IMMP1L: variants seen among roughly 807,000 people sequenced by gnomAD.
The protein encoded by IMMP1L is mitochondrial inner membrane protease subunit 1.
IMMP1L carries 24 observed loss-of-function variants against 21.8 expected under a neutral mutation model. The observed-to-expected ratio is 1.10, with a 90% confidence interval of 0.80 to 1.55. IMMP1L has a LOEUF of 1.55. Among genes scored for constraint, IMMP1L ranks in the 40% most tolerant of loss-of-function variants. IMMP1L has a pLI of 0.00. For missense variants in IMMP1L, 195 were observed against 200.7 expected (o/e 0.97, Z 0.17); for synonymous variants, 46 against 62.8 (o/e 0.73, Z 1.26).
At chr11:31,465,089 T>C (rs1184920548) in intron 1 of IMMP1L, among the ~76,000 whole-genome samples, 1 of 152,148 alleles carries the variant, frequency 6.6e-6, no homozygotes, top group Admixed American at 6.5e-5. Flanking sequence ...GAATTCAATA[T>C]AGTTGCAGGA....
In IMMP1L at chr11:31,471,888, T is replaced by C. The variant is rs139278645; in HGVS notation, c.-29-8583A>G. On this transcript the variant is annotated intron_variant, in intron 1 of 5. Transcript: ENST00000532287. ...AAGTCTAACATGGGTACCACTGGGC[T>C]AAAAAATCAAGACTGTTTCTTTCTA... 3.2e-3 allele frequency among the ~76,000 whole-genome samples: 495 copies of C among 152,308 alleles called. 2 individuals are homozygous for C. Among genetic ancestry groups the C allele is most frequent in the African/African-American group, 0.011 (450 of 41,572 alleles).
At chr11:31,491,290 G>A (rs1242553109) in intron 1 of IMMP1L, among the ~76,000 whole-genome samples, 1 of 152,126 alleles carries the variant, frequency 6.6e-6, no homozygotes, top group African/African-American at 2.4e-5. Context: ...AAGAGAAGAG[G>A]TAAAGAAAGC....
chr11:31,500,831 A>G (rs896073790), intron 1 of IMMP1L, among the ~76,000 whole-genome samples: 28 of 152,308 alleles, frequency 1.8e-4, no homozygotes, highest in African/African-American at 6.7e-4. Flanking sequence ...GTTATCTGTG[A>G]CTGCTTTTGT....
chr11:31,500,606 CACACAA>C (rs1424429237), intron 1 of IMMP1L, among the ~76,000 whole-genome samples: 69 of 148,978 alleles, frequency 4.6e-4, no homozygotes, highest in African/African-American at 1.7e-3. Context: ...CACACACACA[CACACAA>C]ACACACACAC....
At chr11:31,445,575 C>A (rs892800996) in intron 4 of IMMP1L, among the ~76,000 whole-genome samples, 3 of 152,114 alleles carry the variant, frequency 2.0e-5, no homozygotes, top group Non-Finnish European at 4.4e-5. Context: ...TTTTTAAAAA[C>A]AGGCATTGTT....
intron 3 of IMMP1L, among the ~76,000 whole-genome samples, chr11:31,459,518 C>G (rs1321530347): frequency 6.6e-6 from 1 of 152,088 alleles, no homozygotes; most frequent in Non-Finnish European, 1.5e-5. Flanking sequence ...ACTTGACATT[C>G]ATTTGGAATA....
chr11:31,490,581 G>T (rs972556867), intron 1 of IMMP1L, among the ~76,000 whole-genome samples: 8 of 151,868 alleles, frequency 5.3e-5, no homozygotes, highest in Admixed American at 1.3e-4. Flanking sequence ...AAACATTAAA[G>T]GTATTAGTAC....
intron 4 of IMMP1L, among the ~76,000 whole-genome samples, chr11:31,443,535 C>A (rs1953409722): frequency 6.6e-6 from 1 of 152,162 alleles, no homozygotes; most frequent in African/African-American, 2.4e-5. Flanking sequence ...AACTACTTGC[C>A]CACATTCTGT....
chr11:31,472,927 G>A (rs1263311456), intron 1 of IMMP1L, among the ~76,000 whole-genome samples: 1 of 151,996 alleles, frequency 6.6e-6, no homozygotes, highest in African/African-American at 2.4e-5. Flanking sequence ...GTGCAGTGGC[G>A]CAATCCCAGC....
intron 4 of IMMP1L, among the ~76,000 whole-genome samples, chr11:31,435,119 A>G (rs1333545123): frequency 6.6e-6 from 1 of 152,190 alleles, no homozygotes; most frequent in East Asian, 1.9e-4. Flanking sequence ...GGTAATATAT[A>G]TGAATAAATA....
At chr11:31,494,348 G>A (rs1011195959) in intron 1 of IMMP1L, among the ~76,000 whole-genome samples, 6 of 152,214 alleles carry the variant, frequency 3.9e-5, no homozygotes, top group African/African-American at 1.4e-4. Flanking sequence ...GGCCCAAGCC[G>A]TACTTTTGAC....
intron 1 of IMMP1L, among the ~76,000 whole-genome samples, chr11:31,472,615 C>T (rs1471542804): frequency 6.6e-6 from 1 of 152,022 alleles, no homozygotes. Flanking sequence ...ATTAAAAAAA[C>T]TGAGTCATTA....
intron 1 of IMMP1L, among the ~76,000 whole-genome samples, chr11:31,472,159 C>A (rs1263354877): frequency 2.6e-5 from 4 of 152,144 alleles, no homozygotes; most frequent in Admixed American, 2.6e-4. Context: ...TTTAATCACA[C>A]CTGTGAAGTC....
chr11:31,440,836 T>C (rs907811848), intron 4 of IMMP1L, among the ~76,000 whole-genome samples: 5 of 152,154 alleles, frequency 3.3e-5, no homozygotes, highest in Admixed American at 6.5e-5. Context: ...ACCCTTTCCC[T>C]ATCAAAACTC....
At chr11:31,500,483 A>T (rs1202755102) in intron 1 of IMMP1L, among the ~76,000 whole-genome samples, 1 of 152,084 alleles carries the variant, frequency 6.6e-6, no homozygotes, top group Non-Finnish European at 1.5e-5. Flanking sequence ...TTCAGAAAAA[A>T]TAGAAAAGGT....
intron 4 of IMMP1L, among the ~76,000 whole-genome samples, chr11:31,449,555 A>G (rs901774838): frequency 6.6e-6 from 1 of 152,142 alleles, no homozygotes; most frequent in Non-Finnish European, 1.5e-5. Context: ...ACACTATACC[A>G]CCAGTACATC....
chr11:31,509,460 T>TTTCTG, intron 1 of IMMP1L, 59 bp downstream of exon 1: 1 of 373,198 alleles, frequency 2.7e-6, no homozygotes, highest in South Asian at 3.4e-5. Context: ...AACCTTTTCT[T>TTTCTG]TAACTCAATG....
chr11:31,449,819 A>G (rs1953678230), intron 4 of IMMP1L, among the ~76,000 whole-genome samples: 1 of 152,218 alleles, frequency 6.6e-6, no homozygotes, highest in Non-Finnish European at 1.5e-5. Context: ...TTTAAATTAA[A>G]TAGCCAGATA....
At chr11:31,478,898 A>T (rs956103293) in intron 1 of IMMP1L, among the ~76,000 whole-genome samples, 2 of 152,226 alleles carry the variant, frequency 1.3e-5, no homozygotes, top group Admixed American at 6.5e-5. Context: ...TATGTTTTTA[A>T]AATAGTTATC....
Sources: allele counts gnomAD v4.1 joint callset (sites outside exome capture counted in the v4.1 genomes callset), GRCh38; gene constraint gnomAD v4.1.1; transcripts MANE v1.5; gene names NCBI Gene and HGNC (gene_info 2026-07-23, HGNC 2026-07-21).